Variants in RFX8 observed in about 807,000 individuals in gnomAD.
RFX8 encodes the protein regulatory factor X8.
Under a neutral mutation model 54.6 loss-of-function variants are expected in RFX8, and 46 were observed. That is an observed-to-expected ratio of 0.84 (90% CI 0.67 to 1.08). RFX8 has a LOEUF of 1.08. RFX8 is among the 50% of genes least tolerant of loss of function. The pLI is 0.00. For missense variants in RFX8, 536 were observed against 562.3 expected (o/e 0.95, Z 0.47); for synonymous variants, 192 against 209.5 (o/e 0.92, Z 0.72).
intron 2 of RFX8, among the ~76,000 whole-genome samples, chr2:101,434,590 C>A (rs1687667843): frequency 6.6e-6 from 1 of 152,026 alleles, no homozygotes; most frequent in South Asian, 2.1e-4. Flanking sequence ...TGGAGATGGG[C>A]AAGTGAGCGA....
intron 11 of RFX8, among the ~76,000 whole-genome samples, chr2:101,399,149 C>G (rs1685289378): frequency 6.6e-6 from 1 of 152,202 alleles, no homozygotes; most frequent in South Asian, 2.1e-4. Flanking sequence ...GGAATGCTGA[C>G]TTCAGTTGTT....
At chr2:101,430,460 A>G (rs1378853159) in intron 2 of RFX8, among the ~76,000 whole-genome samples, 1 of 152,358 alleles carries the variant, frequency 6.6e-6, no homozygotes, top group East Asian at 1.9e-4. Context: ...TGGTGTCCTT[A>G]TAAGAAGACC....
rs754343471 is a variant in RFX8, at chr2:101,412,949, G to A, written c.684C>T (p.Gly228=). The A allele has an allele frequency of 1.1e-5, 17 of 1,551,562 alleles. No individual in the cohort carries two copies. The South Asian group carries it at 1.2e-4, about 11-fold the overall frequency. ...SKKALASDRS[G]ADELENNPEM... ...CTGGGTTGTTCTCCAGTTCATCTGC[G>A]CCACTCCGGTCACTTGCCAGGGCTT... is the stretch of plus-strand genomic sequence containing the variant. Residue 228 remains glycine, a synonymous_variant, in exon 8 of 12, where the codon GGC becomes GGT. Coordinates refer to ENST00000428343, the MANE Select transcript of RFX8 (RefSeq NM_001145664.2).
intron 10 of RFX8, among the ~76,000 whole-genome samples, chr2:101,404,732 C>G (rs1685633946): frequency 6.6e-6 from 1 of 151,900 alleles, no homozygotes; most frequent in African/African-American, 2.4e-5. Flanking sequence ...CGGCTCAGGG[C>G]TAGATTTCTT....
rs149881994 is a variant in RFX8, at chr2:101,472,384, G to C, written c.-53+2252C>G. Among the ~76,000 whole-genome samples, 444 of 152,204 alleles carry C rather than the reference G, an allele frequency of 2.9e-3. 5 individuals are homozygous for C. The highest frequency in any genetic ancestry group is 0.01 in the African/African-American group (421 of 41,538). On this transcript the variant is annotated intron_variant, in intron 1 of 11. Coordinates refer to ENST00000428343, the MANE Select transcript of RFX8 (RefSeq NM_001145664.2). ...CCCAAAGTGCTGGGATTACAGGCCTGAGCCACCGCACCCGGCCTCAACGAT... is the reference window on the plus strand; with the variant it reads ...CCCAAAGTGCTGGGATTACAGGCCTCAGCCACCGCACCCGGCCTCAACGAT...
At chr2:101,461,894 A>T (rs1435811987) in intron 2 of RFX8, among the ~76,000 whole-genome samples, 1 of 152,196 alleles carries the variant, frequency 6.6e-6, no homozygotes, top group African/African-American at 2.4e-5. Context: ...AAGTAGAAAC[A>T]GCTCATTCTA....
At chr2:101,421,185 C>T in intron 4 of RFX8, 1 of 914,836 alleles carries the variant, frequency 1.1e-6, no homozygotes, top group South Asian at 5.0e-5. Flanking sequence ...GGAAAAAAAT[C>T]TCATTTGAAT....
intron 2 of RFX8, among the ~76,000 whole-genome samples, chr2:101,424,255 A>T (rs962574276): frequency 6.6e-6 from 1 of 152,236 alleles, no homozygotes; most frequent in Non-Finnish European, 1.5e-5. Flanking sequence ...CAGCCAACAG[A>T]CACATGAAAA....
chr2:101,471,996 C>A (rs1206277481), intron 1 of RFX8, among the ~76,000 whole-genome samples: 1 of 152,252 alleles, frequency 6.6e-6, no homozygotes, highest in Non-Finnish European at 1.5e-5. Context: ...CCTGCACTAC[C>A]CACCACTGCT....
intron 2 of RFX8, among the ~76,000 whole-genome samples, chr2:101,437,102 T>C (rs1466741504): frequency 6.6e-6 from 1 of 152,182 alleles, no homozygotes; most frequent in African/African-American, 2.4e-5. Context: ...TTATTTTTAA[T>C]TGAAATTCTT....
At chr2:101,452,836 G>T (rs1458583106) in intron 2 of RFX8, among the ~76,000 whole-genome samples, 3 of 152,118 alleles carry the variant, frequency 2.0e-5, no homozygotes, top group African/African-American at 7.2e-5. Context: ...GCTGGGCATG[G>T]TGGCTCACGC....
rs182935027 is a variant in RFX8 at position 101,456,526 on chromosome 2, G to A, written c.72+10251C>T. ...TGATGGGTTACATTTATTGATTTGC[G>A]TATGTTGAACCAGCCTTGCAGCCCA... is the stretch of plus-strand genomic sequence containing the variant. On this transcript the variant is annotated intron_variant, in intron 2 of 11. Transcript: ENST00000428343. 6.3e-3 allele frequency among the ~76,000 whole-genome samples: 961 copies of A among 152,222 alleles called. 10 individuals carry two copies. Among genetic ancestry groups the A allele is most frequent in the African/African-American group, 0.022 (927 of 41,538 alleles).
At chr2:101,461,219 C>T (rs1181899417) in intron 2 of RFX8, among the ~76,000 whole-genome samples, 5 of 135,944 alleles carry the variant, frequency 3.7e-5, no homozygotes, top group East Asian at 2.1e-4. Flanking sequence ...GCCGAGATCA[C>T]GCCACTGCAC....
In RFX8 at chr2:101,421,746, T is replaced by C; in HGVS notation, c.215A>G (p.Tyr72Cys). The C allele has an allele frequency of 1.9e-6, 3 of 1,550,066 alleles. No homozygotes were observed. Among genetic ancestry groups the C allele is most frequent in the Non-Finnish European group, 2.6e-6 (3 of 1,146,156 alleles). The change falls in exon 4 of 12, where the codon TAT (tyrosine) becomes TGT (cysteine). Residue 72 changes from tyrosine to cysteine, a missense_variant. Tyr to Cys is a radical substitution (Grantham distance 194). Transcript: ENST00000428343. ...MAFLADEYCN[Y>C]CRDILRNVED... ...CACATTTCGTAAAATGTCTCGACAA[T>C]AGTTGCAGTATTCGTCAGCAAGGAA...
intron 1 of RFX8, among the ~76,000 whole-genome samples, chr2:101,473,392 G>A (rs1690119418): frequency 6.6e-6 from 1 of 152,104 alleles, no homozygotes; most frequent in South Asian, 2.1e-4. Context: ...GTGTACTTCA[G>A]TATTTATTCA....
intron 2 of RFX8, among the ~76,000 whole-genome samples, chr2:101,429,711 G>A (rs1213492135): frequency 3.3e-5 from 5 of 152,290 alleles, no homozygotes; most frequent in African/African-American, 1.2e-4. Context: ...TGACTTTGAT[G>A]GGTCCGTCCA....
intron 1 of RFX8, among the ~76,000 whole-genome samples, chr2:101,472,313 G>T (rs1428353753): frequency 6.6e-6 from 1 of 152,100 alleles, no homozygotes; most frequent in African/African-American, 2.4e-5. Context: ...TGTTAGCCAG[G>T]CTGGTCTCAA....
At chr2:101,465,402 T>C (rs545766122) in intron 2 of RFX8, among the ~76,000 whole-genome samples, 6 of 152,174 alleles carry the variant, frequency 3.9e-5, no homozygotes, top group African/African-American at 9.6e-5. Flanking sequence ...CCCAGATACT[T>C]GGGAGACTGA....
chr2:101,427,970 C>T (rs1177614951), intron 2 of RFX8, among the ~76,000 whole-genome samples: 1 of 151,936 alleles, frequency 6.6e-6, no homozygotes, highest in Non-Finnish European at 1.5e-5. Flanking sequence ...TGTTGTTATC[C>T]CCCCCGCCCC....
Sources: allele counts gnomAD v4.1 joint callset (sites outside exome capture counted in the v4.1 genomes callset), GRCh38; gene constraint gnomAD v4.1.1; transcripts MANE v1.5; gene names NCBI Gene and HGNC (gene_info 2026-07-23, HGNC 2026-07-21).